MCC: variants seen among roughly 807,000 people sequenced by gnomAD.
The protein encoded by MCC is colorectal mutant cancer protein.
MCC carries 90 observed loss-of-function variants against 116.2 expected under a neutral mutation model. The ratio of observed to expected loss-of-function variants is 0.77; its 90% CI spans 0.65 to 0.92. MCC has a LOEUF of 0.92. Among genes scored for constraint, MCC ranks in the 40% least tolerant of loss-of-function variants. The pLI is 0.00. For missense variants in MCC, 1,516 were observed against 1,312.2 expected (o/e 1.16, Z -2.40); for synonymous variants, 578 against 510.5 (o/e 1.13, Z -1.78).
At chr5:113,168,381 T>A (rs150560700) in intron 3 of MCC, among the ~76,000 whole-genome samples, 75 of 152,344 alleles carry the variant, frequency 4.9e-4, no homozygotes, top group African/African-American at 1.7e-3. Context: ...ATGATTCAGT[T>A]CTTTGAAACT....
At chr5:113,123,934 G>C (rs187063825) in intron 5 of MCC, among the ~76,000 whole-genome samples, 79 of 152,264 alleles carry the variant, frequency 5.2e-4, no homozygotes, top group African/African-American at 1.8e-3. Flanking sequence ...TTGGATTCTG[G>C]GTGGACCAAA....
rs1764184867 is a variant in MCC, at chr5:113,237,724, C to T, written c.628-86302G>A. On this transcript the variant is annotated intron_variant, in intron 3 of 18. Transcript: ENST00000408903. ...GAACTTCCTCATTGATTAGTCTCAG[C>T]TCCGCGATAATTTCTGACTGATTCA... Among the ~76,000 whole-genome samples the T allele has an allele frequency of 2.7e-5, 4 of 150,544 alleles. No homozygotes were observed. In the South Asian group the frequency reaches 8.3e-4, roughly 31 times the overall value.
chr5:113,036,894 G>A (rs1350265697), intron 17 of MCC, among the ~76,000 whole-genome samples: 1 of 152,220 alleles, frequency 6.6e-6, no homozygotes, highest in East Asian at 1.9e-4. Context: ...GGGCTCAGCA[G>A]TTTATTTGCG....
intron 9 of MCC, among the ~76,000 whole-genome samples, chr5:113,084,727 C>T (rs1369337006): frequency 2.0e-5 from 3 of 152,180 alleles, no homozygotes; most frequent in Non-Finnish European, 4.4e-5. Flanking sequence ...TCACAGCTGC[C>T]ACAGCCTGTC....
At chr5:113,396,764 T>C (rs1769536196) in intron 1 of MCC, among the ~76,000 whole-genome samples, 1 of 152,234 alleles carries the variant, frequency 6.6e-6, no homozygotes, top group Non-Finnish European at 1.5e-5. Context: ...TTTTCTTCAC[T>C]GTTGTATTCC....
chr5:113,043,468 A>T, intron 17 of MCC, 62 bp downstream of exon 17: 1 of 1,412,562 alleles, frequency 7.1e-7, no homozygotes, highest in Middle Eastern at 1.8e-4. Flanking sequence ...AGCAAAGAGA[A>T]CTCAGAACAA....
intron 17 of MCC, among the ~76,000 whole-genome samples, chr5:113,035,573 T>G (rs1189628689): frequency 6.6e-6 from 1 of 152,172 alleles, no homozygotes; most frequent in African/African-American, 2.4e-5. Flanking sequence ...TGCTGGGCCT[T>G]TGGGCTGCTG....
chr5:113,276,156 C>T (rs1324008574), intron 3 of MCC, among the ~76,000 whole-genome samples: 1 of 152,100 alleles, frequency 6.6e-6, no homozygotes, highest in Non-Finnish European at 1.5e-5. Context: ...TGCTGCCTTC[C>T]TCCTTGCCCC....
rs192780356 is a variant in MCC, at chr5:113,434,145, C to G, written c.171-48933G>C. 3.1e-6 allele frequency: 5 copies of G among 1,614,148 alleles called. No homozygotes were observed. In the South Asian group the frequency reaches 5.5e-5, roughly 18 times the overall value. On this transcript the variant is annotated intron_variant, in intron 1 of 18. Transcript: ENST00000408903. This position sits in a 1 kb window ranked among gnomAD's most constrained non-coding sequence, Gnocchi z 4.2. ...GTGCTTGGAGCGTGGGAAGTTGACG[C>G]GGTGCTCCTTCTGGATACGCAGCAT...
intron 11 of MCC, among the ~76,000 whole-genome samples, chr5:113,075,909 G>A (rs1350014057): frequency 2.0e-5 from 3 of 152,122 alleles, no homozygotes; most frequent in Non-Finnish European, 4.4e-5. Flanking sequence ...CCACCAGAAG[G>A]AACCAACAAC....
intron 1 of MCC, among the ~76,000 whole-genome samples, chr5:113,475,477 G>C (rs568296734): frequency 2.6e-5 from 4 of 152,266 alleles, no homozygotes; most frequent in Admixed American, 2.0e-4. Context: ...CCATCAGTTA[G>C]AGTCATCGAT....
intron 3 of MCC, among the ~76,000 whole-genome samples, chr5:113,161,012 T>C (rs902495834): frequency 1.3e-5 from 2 of 152,226 alleles, no homozygotes; most frequent in Non-Finnish European, 2.9e-5. Context: ...GAATATTTTA[T>C]ATATTTTGTA....
chr5:113,105,661 A>G (rs1302090852), intron 6 of MCC, among the ~76,000 whole-genome samples: 1 of 152,074 alleles, frequency 6.6e-6, no homozygotes, highest in Non-Finnish European at 1.5e-5. Context: ...ACTTATCCTC[A>G]AACTGACCTC....
chr5:113,409,370 T>A (rs67764628), intron 1 of MCC, among the ~76,000 whole-genome samples: 25,682 of 151,974 alleles, frequency 0.17, 2,543 homozygotes, highest in Admixed American at 0.31. Context: ...TTTTTTTTTT[T>A]AGACAGGGTC....
At chr5:113,286,230 C>T (rs1310890553) in intron 3 of MCC, among the ~76,000 whole-genome samples, 1 of 152,196 alleles carries the variant, frequency 6.6e-6, no homozygotes, top group Non-Finnish European at 1.5e-5. Context: ...AGCAAGAAGA[C>T]TCTAAGAGTG....
intron 1 of MCC, among the ~76,000 whole-genome samples, chr5:113,388,476 A>T (rs1769326125): frequency 6.6e-6 from 1 of 152,124 alleles, no homozygotes; most frequent in Non-Finnish European, 1.5e-5. Context: ...CATGGGGGTT[A>T]ATCCCTCATG....
chr5:113,333,589 GA>G (rs1767751920), intron 3 of MCC, among the ~76,000 whole-genome samples: 2 of 150,600 alleles, frequency 1.3e-5, no homozygotes, highest in Non-Finnish European at 1.5e-5. Context: ...TCATCCAAAG[GA>G]AAAGACAGCC....
At chr5:113,251,457 T>C (rs998109726) in intron 3 of MCC, among the ~76,000 whole-genome samples, 1 of 152,218 alleles carries the variant, frequency 6.6e-6, no homozygotes, top group African/African-American at 2.4e-5. Flanking sequence ...GTGATCTCTA[T>C]AGCCAGGGTG....
chr5:113,423,641 C>T lies in MCC; in HGVS notation c.171-38429G>A, dbSNP rs1190434847. On this transcript the variant is annotated intron_variant, in intron 1 of 18. Transcript: ENST00000408903. Reference sequence around the variant, plus strand: ...CTCACCAGAGAAAGCCAGACTGAAGCAAGTATTGGCCAGGCTCAGAAATAG... The same window carrying T: ...CTCACCAGAGAAAGCCAGACTGAAGTAAGTATTGGCCAGGCTCAGAAATAG... Among the ~76,000 whole-genome samples, 5 of 152,066 alleles carry T rather than the reference C, an allele frequency of 3.3e-5. No homozygotes were observed. The East Asian group carries it at 5.8e-4, about 18-fold the overall frequency.
Sources: allele counts gnomAD v4.1 joint callset (sites outside exome capture counted in the v4.1 genomes callset), GRCh38; gene constraint gnomAD v4.1.1; non-coding constraint Gnocchi (gnomAD v3.1); transcripts MANE v1.5; gene names NCBI Gene and HGNC (gene_info 2026-07-23, HGNC 2026-07-21).